Variants in UGT1A8 observed in about 807,000 individuals in gnomAD.
UGT1A8 encodes the protein UDP-glucuronosyltransferase 1A8.
A neutral mutation model predicts 45.3 loss-of-function variants in UGT1A8; 39 were observed. The ratio of observed to expected loss-of-function variants is 0.86; its 90% CI spans 0.67 to 1.12. The LOEUF (loss-of-function observed/expected upper bound fraction) is 1.12. Among genes scored for constraint, UGT1A8 ranks in the 50% most tolerant of loss-of-function variants. UGT1A8 has a pLI of 0.00. For missense variants in UGT1A8, 719 were observed against 664.9 expected, an observed-to-expected ratio of 1.08 and a Z score of -0.90; for synonymous variants, 275 against 249.2, an observed-to-expected ratio of 1.10 and a Z score of -0.97.
intron 1 of UGT1A8, among the ~76,000 whole-genome samples, chr2:233,750,888 T>C (rs577435588): frequency 6.6e-6 from 1 of 152,002 alleles, no homozygotes; most frequent in South Asian, 2.1e-4. Context: ...GGAGCCCTTA[T>C]AGAGAACCTC....
intron 1 of UGT1A8, among the ~76,000 whole-genome samples, chr2:233,748,454 G>C (rs780753495): frequency 1.7e-4 from 26 of 151,822 alleles, no homozygotes; most frequent in Non-Finnish European, 3.7e-4. Flanking sequence ...ATTTTCAGGG[G>C]AAAGATGATG....
intron 1 of UGT1A8, among the ~76,000 whole-genome samples, chr2:233,709,998 CAATTA>C (rs2076103213): frequency 3.3e-5 from 5 of 152,170 alleles, no homozygotes; most frequent in African/African-American, 9.7e-5. Context: ...TGGAATCATA[CAATTA>C]TGAATGAAAA....
In UGT1A8 at chr2:233,617,791, G is replaced by T. The variant is rs745336841; in HGVS notation, c.84G>T (p.Leu28=). 6.8e-5 allele frequency: 109 copies of T among 1,614,026 alleles called. No homozygotes were observed. The highest frequency in any genetic ancestry group is 9.2e-5 in the Non-Finnish European group (108 of 1,180,042). ...LTCGFAEAGK[L]LVVPMDGSHW... Reference sequence around the variant, plus strand: ...GTGGCTTTGCTGAGGCAGGGAAGCTGCTGGTAGTGCCCATGGATGGGAGTC... The same window carrying T: ...GTGGCTTTGCTGAGGCAGGGAAGCTTCTGGTAGTGCCCATGGATGGGAGTC... The change falls in exon 1 of 5, where the codon CTG becomes CTT. Residue 28 remains leucine (L), a synonymous_variant. Coordinates refer to ENST00000373450, the MANE Select transcript of UGT1A8 (RefSeq NM_019076.5).
chr2:233,770,205 T>G (rs1217853012), intron 4 of UGT1A8: 1 of 152,310 alleles, frequency 6.6e-6, no homozygotes, highest in Non-Finnish European at 1.5e-5. Flanking sequence ...TATTCATTTT[T>G]GAGCCATCCC....
chr2:233,636,690 T>A, intron 1 of UGT1A8: 1 of 1,614,116 alleles, frequency 6.2e-7, no homozygotes, highest in Non-Finnish European at 8.5e-7. Flanking sequence ...ATGAGGTGGT[T>A]GTAGTCATGC....
intron 1 of UGT1A8, among the ~76,000 whole-genome samples, chr2:233,645,132 C>T (rs920505201): frequency 6.6e-6 from 1 of 152,178 alleles, no homozygotes; most frequent in Non-Finnish European, 1.5e-5. Flanking sequence ...TTTCTGCCTT[C>T]AGGGACAAAG....
At chr2:233,760,982 C>T (rs147640261) in intron 1 of UGT1A8, 5 of 1,614,220 alleles carry the variant, frequency 3.1e-6, no homozygotes, top group Non-Finnish European at 4.2e-6. Flanking sequence ...CCGTATGCAA[C>T]CCTTGCCTCA....
Position 233,617,987 on chromosome 2 carries a change from G to A in UGT1A8, c.280G>A (p.Ala94Thr), listed in dbSNP as rs1361432868. Reference protein sequence around the residue: ...EDLDREFMDFADAQWKAQVRS... With the variant: ...EDLDREFMDFTDAQWKAQVRS... Reference sequence around the variant, plus strand: ...TCTGGACCGGGAATTCATGGATTTCGCCGATGCTCAATGGAAAGCACAAGT... The same window carrying A: ...TCTGGACCGGGAATTCATGGATTTCACCGATGCTCAATGGAAAGCACAAGT... The change falls in exon 1 of 5, where the codon GCC (alanine) becomes ACC (threonine). Residue 94 changes from alanine to threonine, a missense_variant. Physicochemically the swap from Ala to Thr is moderately conservative, Grantham distance 58. Transcript: ENST00000373450. 6 of 1,614,022 alleles carry A rather than the reference G, an allele frequency of 3.7e-6. No individual in the cohort carries two copies. The highest frequency in any genetic ancestry group is 3.3e-5 in the Admixed American group (2 of 59,996).
chr2:233,690,756 GACATACACACAC>G (rs1356339532), intron 1 of UGT1A8: 2 of 1,079,164 alleles, frequency 1.9e-6, no homozygotes, highest in African/African-American at 4.9e-5. Flanking sequence ...GTCCAGTGCA[GACATACACACAC>G]ACACACATAC....
chr2:233,653,109 C>A (rs781087757), intron 1 of UGT1A8, among the ~76,000 whole-genome samples: 1 of 152,146 alleles, frequency 6.6e-6, no homozygotes. Flanking sequence ...TCCCAAAAGA[C>A]CTGAAATTTC....
chr2:233,728,715 G>A (rs1198511958), intron 1 of UGT1A8, among the ~76,000 whole-genome samples: 1 of 152,204 alleles, frequency 6.6e-6, no homozygotes, highest in African/African-American at 2.4e-5. Context: ...GTCACATCCA[G>A]CAGAGAGCAT....
intron 1 of UGT1A8, chr2:233,691,061 T>C: frequency 1.0e-6 from 1 of 986,864 alleles, no homozygotes; most frequent in Non-Finnish European, 1.2e-6. Flanking sequence ...GGAGGTCTAG[T>C]ATAAAGAATG....
intron 1 of UGT1A8, chr2:233,690,911 G>T (rs2075021187): frequency 1.2e-5 from 12 of 1,021,144 alleles, no homozygotes; most frequent in Non-Finnish European, 1.3e-5. Flanking sequence ...AGTGATGTTA[G>T]TTTCATTTCT....
chr2:233,745,429 A>G (rs1003194784), intron 1 of UGT1A8, among the ~76,000 whole-genome samples: 4 of 151,698 alleles, frequency 2.6e-5, no homozygotes, highest in African/African-American at 4.9e-5. Flanking sequence ...ATAAATTGTG[A>G]GGCAATACAC....
intron 1 of UGT1A8, among the ~76,000 whole-genome samples, chr2:233,667,331 G>A (rs183046444): frequency 6.4e-4 from 97 of 152,326 alleles, no homozygotes; most frequent in Non-Finnish European, 1.2e-3. Flanking sequence ...CTAGCCATTT[G>A]TAGAAAGCTG....
intron 1 of UGT1A8, among the ~76,000 whole-genome samples, chr2:233,665,320 G>C (rs1311300944): frequency 2.0e-5 from 3 of 152,096 alleles, no homozygotes; most frequent in African/African-American, 7.2e-5. Context: ...TTGCACATTA[G>C]TATGTAAACA....
At chr2:233,746,220 C>T (rs753695127) in intron 1 of UGT1A8, among the ~76,000 whole-genome samples, 8 of 151,652 alleles carry the variant, frequency 5.3e-5, no homozygotes, top group African/African-American at 2.0e-4. Context: ...ATAGCAAGGA[C>T]AGATATGCAA....
intron 1 of UGT1A8, among the ~76,000 whole-genome samples, chr2:233,620,367 C>G (rs1172494336): frequency 1.3e-5 from 2 of 152,204 alleles, no homozygotes; most frequent in Non-Finnish European, 2.9e-5. Context: ...CCATGTGTTG[C>G]CTGCACCCTA....
At chr2:233,699,496 T>A (rs1207388053) in intron 1 of UGT1A8, among the ~76,000 whole-genome samples, 1 of 152,174 alleles carries the variant, frequency 6.6e-6, no homozygotes, top group Admixed American at 6.5e-5. Flanking sequence ...CTACTTGTAA[T>A]ACAAAGAACT....
Sources: gnomAD v4.1 joint callset for allele counts (sites outside exome capture counted in the v4.1 genomes callset) on GRCh38, gnomAD v4.1.1 for gene constraint, MANE v1.5 for transcripts, NCBI Gene and HGNC (gene_info 2026-07-23, HGNC 2026-07-21) for gene names.